The following PGAP2 variants were observed in gnomAD, a reference collection of about 807,000 sequenced individuals.
PGAP2 encodes the protein post-GPI attachment to proteins 2.
PGAP2 carries 21 observed loss-of-function variants against 33.2 expected under a neutral mutation model. The observed-to-expected ratio is 0.63, with a 90% CI of 0.45 to 0.91. The LOEUF is 0.91. Among genes scored for constraint, PGAP2 ranks in the 40% least tolerant of loss-of-function variants. The pLI, the probability that PGAP2 is intolerant of heterozygous loss-of-function variation, is 0.00. For synonymous variants in PGAP2, 161 were observed against 172.9 expected (o/e 0.93, Z 0.54); for missense variants, 345 against 424.0 (o/e 0.81, Z 1.64).
upstream of PGAP2, among the ~76,000 whole-genome samples, chr11:3,805,331 A>T (rs1270120136): frequency 7.0e-6 from 1 of 143,352 alleles, no homozygotes; most frequent in African/African-American, 2.6e-5. Flanking sequence ...GTATGATCTC[A>T]GTTGACTGCA....
chr11:3,798,045 C>T (rs2082814324), intron 1 of PGAP2: 1 of 1,525,604 alleles, frequency 6.6e-7, no homozygotes, highest in Non-Finnish European at 8.8e-7. Flanking sequence ...TTCCTAGTCT[C>T]TCTGCCCGCA....
At chr11:3,818,967 T>C (rs1322191567) in intron 3 of PGAP2, among the ~76,000 whole-genome samples, 2 of 152,216 alleles carry the variant, frequency 1.3e-5, no homozygotes, top group Non-Finnish European at 2.9e-5. Context: ...CCGGCAACTT[T>C]TGATATTATC....
At chr11:3,798,107 C>T (rs1380435031) in intron 1 of PGAP2, 1 of 1,486,420 alleles carries the variant, frequency 6.7e-7, no homozygotes, top group Non-Finnish European at 8.9e-7. Flanking sequence ...GAAGGTCTGT[C>T]TGTCCAAAGA....
chr11:3,807,061 C>T (rs548715445), upstream of PGAP2, among the ~76,000 whole-genome samples: 1 of 149,554 alleles, frequency 6.7e-6, no homozygotes, highest in African/African-American at 2.5e-5. Context: ...AAAGGCCAGG[C>T]GCGGTGGCTT....
rs1455598954 is a variant in PGAP2 at position 3,811,754 on chromosome 11, C to G, written c.165+330C>G. On this transcript the variant is annotated intron_variant, in intron 2 of 6. Coordinates refer to ENST00000278243, the MANE Select transcript of PGAP2 (RefSeq NM_014489.4). This position sits in a 1 kb window ranked among gnomAD's most constrained non-coding sequence, Gnocchi z 4.6. The stretch of plus-strand genomic sequence containing the variant: ...TCTTCCTGGCCCCGCGCCCCATATC[C>G]CTGTCCAGAGGGCAGACCTAGAGCC... Among the ~76,000 whole-genome samples, 1 of 151,992 alleles carries G rather than the reference C, an allele frequency of 6.6e-6. No homozygotes were observed. Among genetic ancestry groups the G allele is most frequent in the Non-Finnish European group, 1.5e-5 (1 of 68,016 alleles).
At chr11:3,797,759 G>C (rs966628854), upstream of PGAP2, 1 of 1,487,816 alleles carries the variant, frequency 6.7e-7, no homozygotes, top group South Asian at 1.3e-5. Flanking sequence ...AGCGGTGAGA[G>C]GGCCGTGGAG....
Position 3,816,652 on chromosome 11 carries a change from A to G in PGAP2, c.166-701A>G, listed in dbSNP as rs557740178. ...AGGAGATGTAGGTCTGGGCTTCCAC[A>G]GGGACCTGGTATTTTAGGATCAGGG... On this transcript the variant is annotated intron_variant, in intron 2 of 6. Coordinates refer to ENST00000278243, the MANE Select transcript of PGAP2 (RefSeq NM_014489.4). Among the ~76,000 whole-genome samples the G allele has an allele frequency of 1.2e-4, 19 of 152,278 alleles. No individual in the cohort carries two copies. In the South Asian group the frequency reaches 3.7e-3, roughly 30 times the overall value.
Position 3,809,419 on chromosome 11 carries a change from T to C in PGAP2, c.-11+768T>C, listed in dbSNP as rs1345896406. On this transcript the variant is annotated intron_variant, in intron 1 of 6. Transcript: ENST00000278243. ...GAGTGCTTAAGTGGCTTGCCAAAGG[T>C]CACACAGCTAAATGGGAGGCCAGGC... is the stretch of plus-strand genomic sequence containing the variant. Among the ~76,000 whole-genome samples the C allele has an allele frequency of 2.0e-5, 3 of 152,244 alleles. No homozygotes were observed. In the East Asian group the frequency reaches 5.8e-4, roughly 29 times the overall value.
upstream of PGAP2, among the ~76,000 whole-genome samples, chr11:3,804,258 G>A (rs76320066): frequency 0.027 from 4,168 of 152,118 alleles, 198 homozygotes; most frequent in African/African-American, 0.094. Context: ...CAGGAAGAGA[G>A]AACATTCCAA....
rs2085537228 is a variant in PGAP2, at chr11:3,811,430, G to A, written c.165+6G>A. 1.2e-6 allele frequency: 2 copies of A among 1,612,160 alleles called. No homozygotes were observed. The highest frequency in any genetic ancestry group is 2.7e-5 in the African/African-American group (2 of 74,876). ...CAACGGCCACACACTGTGGGGTAGG[G>A]CATGGGGACACTGATACCTCATATT... On this transcript the variant is annotated splice_donor_region_variant and intron_variant, in intron 2 of 6. Transcript: ENST00000278243. The surrounding 1 kb of genome is among the most constrained non-coding windows in gnomAD (Gnocchi z 4.6).
At chr11:3,806,276 GC>G (rs534765286), upstream of PGAP2, among the ~76,000 whole-genome samples, 307 of 152,018 alleles carry the variant, frequency 2.0e-3, no homozygotes, top group African/African-American at 6.6e-3. Flanking sequence ...ATGACATGAA[GC>G]CCCAAGGCAG....
At chr11:3,818,870 C>T (rs7938945) in intron 3 of PGAP2, among the ~76,000 whole-genome samples, 4,575 of 152,208 alleles carry the variant, frequency 0.03, 208 homozygotes, top group African/African-American at 0.1. Flanking sequence ...AGGCACTTCA[C>T]GCAGCTTGGA....
Position 3,825,308 on chromosome 11 carries a change from T to A in PGAP2, c.818-20T>A, listed in dbSNP as rs1554943729. On this transcript the variant is annotated intron_variant, in intron 6 of 6. Transcript: ENST00000278243. The stretch of plus-strand genomic sequence containing the variant: ...TAGCTGGAAGTTCACCATGTCCTGT[T>A]CCTTGTGTCCTCACAACAGTGTACA... 33 of 1,610,804 alleles carry A rather than the reference T, an allele frequency of 2.0e-5. No individual in the cohort carries two copies. In the South Asian group the frequency reaches 3.4e-4, roughly 17 times the overall value.
intron 3 of PGAP2, chr11:3,822,955 G>A (rs914131150): frequency 1.3e-6 from 2 of 1,525,030 alleles, no homozygotes; most frequent in African/African-American, 2.8e-5. Context: ...GGATGGTGGA[G>A]ATGCACAAGA....
At chr11:3,805,566 T>C (rs1053603156), upstream of PGAP2, among the ~76,000 whole-genome samples, 4 of 145,846 alleles carry the variant, frequency 2.7e-5, no homozygotes, top group Non-Finnish European at 6.0e-5. Flanking sequence ...CCAGTGTGGA[T>C]ATTCCTAAAT....
At chr11:3,816,945 A>G (rs750257407) in intron 2 of PGAP2, among the ~76,000 whole-genome samples, 5 of 152,176 alleles carry the variant, frequency 3.3e-5, no homozygotes, top group African/African-American at 9.7e-5. Flanking sequence ...TGATCCTGGC[A>G]TAGTTCTGGG....
At chr11:3,797,913 T>A in exon 1 of PGAP2, 1 of 1,548,040 alleles carries the variant, frequency 6.5e-7, no homozygotes, top group Non-Finnish European at 8.7e-7. Flanking sequence ...CTCCGCCCCC[T>A]TCCTTGGAGC....
chr11:3,818,566 C>G (rs1210311830), intron 3 of PGAP2, among the ~76,000 whole-genome samples: 2 of 152,182 alleles, frequency 1.3e-5, no homozygotes, highest in African/African-American at 4.8e-5. Context: ...TCTGGATCCT[C>G]AAGCTTTGTT....
chr11:3,808,535 C>G, upstream of PGAP2: 2 of 1,395,018 alleles, frequency 1.4e-6, no homozygotes, highest in Non-Finnish European at 9.3e-7. Flanking sequence ...AGTTCCGCCC[C>G]GAGAGCGCCG....
Sources: gnomAD v4.1 joint callset for allele counts (sites outside exome capture counted in the v4.1 genomes callset) on GRCh38, gnomAD v4.1.1 for gene constraint, Gnocchi (gnomAD v3.1) non-coding constraint, MANE v1.5 for transcripts, NCBI Gene and HGNC (gene_info 2026-07-23, HGNC 2026-07-21) for gene names.